Variants in ST8SIA1 observed in about 807,000 individuals in gnomAD.
The protein encoded by ST8SIA1 is alpha-N-acetylneuraminide alpha-2,8-sialyltransferase.
A neutral mutation model predicts 35.9 loss-of-function variants in ST8SIA1; 16 were observed. The observed-to-expected ratio is 0.45, with a 90% CI of 0.30 to 0.68. The LOEUF is 0.68. Among genes scored for constraint, ST8SIA1 ranks in the 30% least tolerant of loss-of-function variants. The probability of loss-of-function intolerance (pLI) is 0.09; values close to 1 mark genes in which losing one functional copy is unlikely to be tolerated. For missense variants in ST8SIA1, 383 were observed against 453.6 expected (o/e 0.84, Z 1.41); for synonymous variants, 170 against 169.6 (o/e 1.00, Z -0.02).
chr12:22,272,179 A>C lies in ST8SIA1; in HGVS notation c.381+14970T>G, dbSNP rs548481297. 2.6e-5 allele frequency among the ~76,000 whole-genome samples: 4 copies of C among 152,326 alleles called. No individual in the cohort carries two copies. In the East Asian group the frequency reaches 7.7e-4, roughly 29 times the overall value. On this transcript the variant is annotated intron_variant, in intron 2 of 4. Coordinates refer to ENST00000396037, the MANE Select transcript of ST8SIA1 (RefSeq NM_003034.4). ...GTGAACGTTTTAAGTGAATGACTAT[A>C]ATTTACTTTATAATTTTTGACCTGC...
chr12:22,270,511 AACTT>A (rs1363172223), intron 2 of ST8SIA1, among the ~76,000 whole-genome samples: 1 of 152,226 alleles, frequency 6.6e-6, no homozygotes, highest in Non-Finnish European at 1.5e-5. Flanking sequence ...TATTTAAATT[AACTT>A]ACTAATTATT....
chr12:22,313,970 G>C (rs965510298), intron 1 of ST8SIA1, among the ~76,000 whole-genome samples: 9 of 152,120 alleles, frequency 5.9e-5, no homozygotes, highest in African/African-American at 2.2e-4. Flanking sequence ...GTCTATGTTT[G>C]GGTTTGTTGT....
intron 4 of ST8SIA1, among the ~76,000 whole-genome samples, chr12:22,247,996 T>A (rs1172975983): frequency 1.3e-5 from 2 of 152,220 alleles, no homozygotes; most frequent in African/African-American, 2.4e-5. Context: ...TATCCTTTTT[T>A]TCCACAAATA....
chr12:22,324,905 C>T (rs1319571973), intron 1 of ST8SIA1: 1 of 151,584 alleles, frequency 6.6e-6, no homozygotes, highest in Admixed American at 6.6e-5. Context: ...TATTTTTTCA[C>T]AAGTTTATAA....
At chr12:22,275,946 G>A (rs1240663752) in intron 2 of ST8SIA1, among the ~76,000 whole-genome samples, 1 of 152,238 alleles carries the variant, frequency 6.6e-6, no homozygotes, top group African/African-American at 2.4e-5. Context: ...CTCTTCTGTA[G>A]CTGGGGTGAG....
rs193054273 is a variant in ST8SIA1, at chr12:22,213,294, C to A, written c.585-11256G>T. 5.9e-4 allele frequency among the ~76,000 whole-genome samples: 90 copies of A among 152,296 alleles called. 2 individuals are homozygous for A. The highest frequency in any genetic ancestry group is 2.1e-3 in the African/African-American group (86 of 41,558). ...CTTCACACCACACAATGATTAAATT[C>A]TTTCTCTACTATAATACCTGATGTT... is the stretch of plus-strand genomic sequence containing the variant. On this transcript the variant is annotated intron_variant, in intron 4 of 4. Coordinates refer to ENST00000396037, the MANE Select transcript of ST8SIA1 (RefSeq NM_003034.4).
intron 4 of ST8SIA1, among the ~76,000 whole-genome samples, chr12:22,248,324 C>CG (rs557233992): frequency 6.6e-6 from 1 of 151,760 alleles, no homozygotes; most frequent in Non-Finnish European, 1.5e-5. Flanking sequence ...AGACGGACTC[C>CG]TTCTCTACAA....
At chr12:22,210,597 G>A (rs1865166578) in intron 4 of ST8SIA1, among the ~76,000 whole-genome samples, 1 of 152,212 alleles carries the variant, frequency 6.6e-6, no homozygotes, top group South Asian at 2.1e-4. Flanking sequence ...TCAGTTGCAA[G>A]TCTGGGCCTC....
chr12:22,273,426 T>C (rs1865934667), intron 2 of ST8SIA1, among the ~76,000 whole-genome samples: 1 of 152,134 alleles, frequency 6.6e-6, no homozygotes, highest in Admixed American at 6.5e-5. Context: ...CTCAGCCATA[T>C]TGAGAACTTT....
chr12:22,253,333 C>T (rs1215382644), intron 3 of ST8SIA1, among the ~76,000 whole-genome samples: 1 of 152,188 alleles, frequency 6.6e-6, no homozygotes, highest in Non-Finnish European at 1.5e-5. Context: ...GCTCTTCTCA[C>T]CTATTCATGC....
At chr12:22,205,739 CAATA>C (rs1180698328) in intron 4 of ST8SIA1, among the ~76,000 whole-genome samples, 1 of 150,930 alleles carries the variant, frequency 6.6e-6, no homozygotes, top group African/African-American at 2.4e-5. Flanking sequence ...GCAACCATCT[CAATA>C]AATAAATAAA....
rs1864969831 is a variant in ST8SIA1, at chr12:22,195,205, A to AAAAAG, written c.*6346_*6347insCTTTT. On this transcript the variant is annotated 3_prime_UTR_variant, in exon 5 of 5. Transcript: ENST00000396037. ...TGTCTCAACAAAAAAAAAAAAAAAA[A>AAAAAG]AAAAAAAGAAAGAAAGAAAGAAAGG... The AAAAAG allele has an allele frequency of 7.5e-6, 1 of 134,224 alleles. No individual in the cohort carries two copies. The highest frequency in any genetic ancestry group is 1.6e-5 in the Non-Finnish European group (1 of 63,346). The allele number at this position is 134,224 out of a possible 1,614,324, so 8.3% of individuals were successfully genotyped here.
Position 22,266,848 on chromosome 12 carries a change from T to TATAC in ST8SIA1, c.382-11460_382-11459insGTAT, listed in dbSNP as rs1555158440. Among the ~76,000 whole-genome samples, 423 of 145,050 alleles carry TATAC rather than the reference T, an allele frequency of 2.9e-3. 4 individuals are homozygous for TATAC. Among genetic ancestry groups the TATAC allele is most frequent in the African/African-American group, 0.01 (405 of 38,760 alleles). ...ACACCCACACACATACACAAAAGTATACACACACACACACACACACACACA... is the reference window on the plus strand; with the variant it reads ...ACACCCACACACATACACAAAAGTATATACACACACACACACACACACACACACA... On this transcript the variant is annotated intron_variant, in intron 2 of 4. Coordinates refer to ENST00000396037, the MANE Select transcript of ST8SIA1 (RefSeq NM_003034.4).
At chr12:22,211,738 C>T (rs1397479278) in intron 4 of ST8SIA1, among the ~76,000 whole-genome samples, 3 of 152,072 alleles carry the variant, frequency 2.0e-5, no homozygotes, top group East Asian at 1.9e-4. Context: ...GATGGCGTCT[C>T]GCTCACTCTG....
intron 1 of ST8SIA1, among the ~76,000 whole-genome samples, chr12:22,331,212 C>T (rs995058275): frequency 6.6e-6 from 1 of 152,164 alleles, no homozygotes; most frequent in South Asian, 2.1e-4. Context: ...TTTCTCTTCA[C>T]AGAATTTAAC....
chr12:22,236,998 C>T (rs766710741), intron 4 of ST8SIA1, among the ~76,000 whole-genome samples: 1 of 152,084 alleles, frequency 6.6e-6, no homozygotes, highest in East Asian at 1.9e-4. Flanking sequence ...GGGCAGGAAC[C>T]CACACACAAA....
At chr12:22,305,064 G>A (rs866367245) in intron 1 of ST8SIA1, among the ~76,000 whole-genome samples, 6 of 152,144 alleles carry the variant, frequency 3.9e-5, no homozygotes, top group African/African-American at 1.4e-4. Context: ...GAGTTTGCAA[G>A]TCTAAGATAG....
chr12:22,239,862 A>G (rs1278732971), intron 4 of ST8SIA1, among the ~76,000 whole-genome samples: 1 of 152,156 alleles, frequency 6.6e-6, no homozygotes, highest in African/African-American at 2.4e-5. Context: ...AATATGGGAC[A>G]CCCTCAACAT....
intron 1 of ST8SIA1, among the ~76,000 whole-genome samples, chr12:22,289,214 T>C (rs1866144175): frequency 6.6e-6 from 1 of 152,226 alleles, no homozygotes; most frequent in Non-Finnish European, 1.5e-5. Flanking sequence ...AAATTTTTAG[T>C]TCCTATCCCA....
Sources: allele counts gnomAD v4.1 joint callset (sites outside exome capture counted in the v4.1 genomes callset), GRCh38; gene constraint gnomAD v4.1.1; transcripts MANE v1.5; gene names NCBI Gene and HGNC (gene_info 2026-07-23, HGNC 2026-07-21).